The following CSMD1 variants were observed in gnomAD, a reference collection of about 807,000 sequenced individuals.
CSMD1 encodes CUB and Sushi multiple domains 1, also known as CUB and sushi domain-containing protein 1.
Under a neutral mutation model 417.5 loss-of-function variants are expected in CSMD1, and 213 were observed. The observed-to-expected ratio is 0.51, with a 90% CI of 0.46 to 0.57. The LOEUF is 0.57. Among genes scored for constraint, CSMD1 ranks in the 20% least tolerant of loss-of-function variants. CSMD1 has a pLI of 0.00. For missense variants in CSMD1, 6,923 were observed against 4,529.7 expected, an observed-to-expected ratio of 1.53 and a Z score of -15.17; for synonymous variants, 2,862 against 1,736.8, an observed-to-expected ratio of 1.65 and a Z score of -16.11.
intron 21 of CSMD1, among the ~76,000 whole-genome samples, chr8:3,352,094 T>C (rs1476628909): frequency 2.0e-5 from 3 of 152,190 alleles, no homozygotes; most frequent in Non-Finnish European, 2.9e-5. Context: ...TAGTGCTTCA[T>C]GAGTCCACTT....
At chr8:3,199,834 T>C in intron 32 of CSMD1, 25 bp from the exon 33 acceptor site, 1 of 1,460,888 alleles carries the variant, frequency 6.8e-7, no homozygotes, top group Non-Finnish European at 9.4e-7. Flanking sequence ...AGAGACAGAT[T>C]CAGAAAACAC....
chr8:3,751,299 A>T (rs1584943740), intron 6 of CSMD1, among the ~76,000 whole-genome samples: 2 of 140,288 alleles, frequency 1.4e-5, no homozygotes, highest in East Asian at 2.1e-4. Context: ...ATACAATTGA[A>T]GTGTGTGTGT....
chr8:3,084,309 A>T (rs1434523032), intron 49 of CSMD1, among the ~76,000 whole-genome samples: 2 of 152,110 alleles, frequency 1.3e-5, no homozygotes, highest in Non-Finnish European at 2.9e-5. Flanking sequence ...GGATCACCTG[A>T]GGTCAGGAGT....
intron 2 of CSMD1, among the ~76,000 whole-genome samples, chr8:4,615,428 A>G (rs965775170): frequency 2.0e-5 from 3 of 152,154 alleles, no homozygotes; most frequent in African/African-American, 7.2e-5. Flanking sequence ...AAAAAGTACA[A>G]CCGTTATTTA....
At chr8:4,941,112 T>G (rs188324854) in intron 1 of CSMD1, among the ~76,000 whole-genome samples, 30 of 152,332 alleles carry the variant, frequency 2.0e-4, no homozygotes, top group Admixed American at 5.2e-4. Context: ...GAGTTTGTCT[T>G]TCGCCTCTGA....
intron 10 of CSMD1, among the ~76,000 whole-genome samples, chr8:3,517,052 G>T (rs1215688658): frequency 2.6e-5 from 4 of 152,180 alleles, no homozygotes; most frequent in African/African-American, 4.8e-5. Flanking sequence ...AGATCAAGGG[G>T]ACACTGGAAC....
intron 2 of CSMD1, among the ~76,000 whole-genome samples, chr8:4,586,639 T>A (rs1368587378): frequency 6.6e-6 from 1 of 152,180 alleles, no homozygotes; most frequent in Admixed American, 6.5e-5. Flanking sequence ...ATTTATATCA[T>A]AAAAACACAG....
chr8:4,505,289 G>A (rs1802461499), intron 2 of CSMD1, among the ~76,000 whole-genome samples: 1 of 152,012 alleles, frequency 6.6e-6, no homozygotes, highest in Admixed American at 6.6e-5. Context: ...TAGAACAGAG[G>A]AAAATCACCA....
intron 15 of CSMD1, among the ~76,000 whole-genome samples, chr8:3,401,520 G>C (rs1198739724): frequency 1.3e-5 from 2 of 152,102 alleles, no homozygotes; most frequent in Non-Finnish European, 2.9e-5. Flanking sequence ...ATCTCAGTAA[G>C]TAGATTGTAA....
At chr8:3,155,786 T>C (rs1279575425) in intron 39 of CSMD1, among the ~76,000 whole-genome samples, 6 of 152,210 alleles carry the variant, frequency 3.9e-5, no homozygotes, top group African/African-American at 1.4e-4. Flanking sequence ...CTCTAAGGTA[T>C]ATTTTTCACT....
chr8:4,141,702 G>A (rs571323440), intron 3 of CSMD1, among the ~76,000 whole-genome samples: 7 of 151,048 alleles, frequency 4.6e-5, no homozygotes, highest in East Asian at 1.9e-4. Context: ...TGGAGAGCAG[G>A]CAATTCTGAT....
intron 5 of CSMD1, among the ~76,000 whole-genome samples, chr8:3,788,937 T>C (rs1180877147): frequency 1.3e-5 from 2 of 152,198 alleles, no homozygotes; most frequent in Non-Finnish European, 2.9e-5. Flanking sequence ...ACGTATTTCC[T>C]AGACAGTATT....
intron 7 of CSMD1, among the ~76,000 whole-genome samples, chr8:3,694,047 GTTGTGTTAGTGT>G (rs1414464013): frequency 5.3e-5 from 8 of 151,216 alleles, no homozygotes; most frequent in African/African-American, 1.9e-4. Context: ...GGGTATGTGT[GTTGTGTTAGTGT>G]GTGTGTGTTG....
intron 3 of CSMD1, among the ~76,000 whole-genome samples, chr8:4,152,796 A>G (rs953974500): frequency 6.6e-6 from 1 of 152,222 alleles, no homozygotes; most frequent in Non-Finnish European, 1.5e-5. Context: ...TTTTATGGGA[A>G]TATACACACA....
intron 27 of CSMD1, 102 bp downstream of exon 27, chr8:3,229,938 T>G (rs1407292052): frequency 3.5e-6 from 3 of 851,428 alleles, no homozygotes; most frequent in Non-Finnish European, 5.2e-6. Flanking sequence ...AAAGAAACTC[T>G]TGAGAAATAT....
intron 5 of CSMD1, among the ~76,000 whole-genome samples, chr8:3,863,710 A>C (rs754962059): frequency 6.6e-6 from 1 of 152,228 alleles, no homozygotes; most frequent in African/African-American, 2.4e-5. Flanking sequence ...AATAACATAC[A>C]TGGTCTCTAA....
intron 57 of CSMD1, among the ~76,000 whole-genome samples, chr8:2,972,480 G>A (rs1268406574): frequency 6.6e-6 from 1 of 152,072 alleles, no homozygotes; most frequent in Admixed American, 6.6e-5. Flanking sequence ...CCGAATACAT[G>A]GTTACCATCA....
chr8:3,845,795 C>T (rs1441526155), intron 5 of CSMD1, among the ~76,000 whole-genome samples: 2 of 151,930 alleles, frequency 1.3e-5, no homozygotes, highest in Non-Finnish European at 2.9e-5. Context: ...TATCTTATTT[C>T]TTTATATTTT....
At chr8:3,512,174 A>G (rs983306223) in intron 10 of CSMD1, among the ~76,000 whole-genome samples, 1 of 152,130 alleles carries the variant, frequency 6.6e-6, no homozygotes, top group South Asian at 2.1e-4. Flanking sequence ...AGAATTTCTT[A>G]CTATCCTGGC....
Sources: allele counts gnomAD v4.1 joint callset (sites outside exome capture counted in the v4.1 genomes callset), GRCh38; gene constraint gnomAD v4.1.1; transcripts MANE v1.5; gene names NCBI Gene and HGNC (gene_info 2026-07-23, HGNC 2026-07-21).